COG5: variants seen among roughly 807,000 people sequenced by gnomAD.
COG5 encodes component of oligomeric golgi complex 5, also known as conserved oligomeric Golgi complex subunit 5.
In COG5, 86 loss-of-function variants were observed where a neutral mutation model predicts 110.4. The observed-to-expected ratio is 0.78, with a 90% CI of 0.65 to 0.93. The LOEUF is 0.93. Among genes scored for constraint, COG5 ranks in the 40% least tolerant of loss-of-function variants. The pLI is 0.00. For synonymous variants in COG5, 360 were observed against 334.6 expected (o/e 1.08, Z -0.83); for missense variants, 1,077 against 987.0 (o/e 1.09, Z -1.22).
In COG5 at chr7:107,539,312, C is replaced by T. The variant is rs143860731; in HGVS notation, c.417+8799G>A. Among the ~76,000 whole-genome samples, 835 of 152,234 alleles carry T rather than the reference C, an allele frequency of 5.5e-3. 6 individuals are homozygous for T. The highest frequency in any genetic ancestry group is 6.1e-3 in the Non-Finnish European group (418 of 68,018). ...AATGAAATGACATGTTATTCAAGGA[C>T]CTGCTGTATGTTCTTTTACTTAAAG... On this transcript the variant is annotated intron_variant, in intron 5 of 21. Coordinates refer to ENST00000297135, the MANE Select transcript of COG5 (RefSeq NM_006348.5).
intron 6 of COG5, among the ~76,000 whole-genome samples, chr7:107,417,354 T>C (rs1792926852): frequency 6.6e-6 from 1 of 152,188 alleles, no homozygotes; most frequent in Admixed American, 6.5e-5. Flanking sequence ...TACAATGTCT[T>C]CTTTATTAAC....
At chr7:107,251,977 G>A (rs1339759443) in intron 16 of COG5, among the ~76,000 whole-genome samples, 9 of 151,876 alleles carry the variant, frequency 5.9e-5, no homozygotes, top group African/African-American at 1.9e-4. Context: ...TAGATTGATC[G>A]AGAAAAAAAC....
chr7:107,288,479 T>TG (rs1366226690), intron 12 of COG5, among the ~76,000 whole-genome samples: 4 of 152,170 alleles, frequency 2.6e-5, no homozygotes, highest in African/African-American at 9.7e-5. Context: ...CACTTGCTAC[T>TG]ATTTGTCTTT....
rs371245504 is a variant in COG5 at position 107,375,827 on chromosome 7, A to G, written c.670-3067T>C. Among the ~76,000 whole-genome samples, 47 of 152,070 alleles carry G rather than the reference A, an allele frequency of 3.1e-4. 1 individual carries two copies. In the South Asian group the frequency reaches 9.1e-3, roughly 30 times the overall value. On this transcript the variant is annotated intron_variant, in intron 7 of 21. Transcript: ENST00000297135. ...GAAATTCCTAATTTGAATGTAGCCC[A>G]TTTTATTAATCTTACTCTCTACGGT...
intron 17 of COG5, among the ~76,000 whole-genome samples, chr7:107,240,244 CTCTG>C (rs1801509475): frequency 6.6e-6 from 1 of 152,196 alleles, no homozygotes; most frequent in Non-Finnish European, 1.5e-5. Flanking sequence ...CAGGATCTCA[CTCTG>C]TCACTCAGGC....
rs748799662 is a variant in COG5, at chr7:107,558,120, A to T, written c.95-5T>A. 1 of 1,613,342 alleles carries T rather than the reference A, an allele frequency of 6.2e-7. No individual in the cohort carries two copies. Among genetic ancestry groups the T allele is most frequent in the Non-Finnish European group, 8.5e-7 (1 of 1,179,738 alleles). On this transcript the variant is annotated splice_polypyrimidine_tract_variant and splice_region_variant and intron_variant, in intron 1 of 21. Coordinates refer to ENST00000297135, the MANE Select transcript of COG5 (RefSeq NM_006348.5). Reference sequence around the variant, plus strand: ...TTAAAAAGTCACTATAACACCCTGGATTGGGGAAAAAATAAGGAAAAGTCC... The same window carrying T: ...TTAAAAAGTCACTATAACACCCTGGTTTGGGGAAAAAATAAGGAAAAGTCC...
At chr7:107,408,591 G>C (rs529184819) in intron 7 of COG5, among the ~76,000 whole-genome samples, 1 of 152,314 alleles carries the variant, frequency 6.6e-6, no homozygotes, top group South Asian at 2.1e-4. Context: ...TTGACATTTA[G>C]ATGGCAGAGG....
chr7:107,539,429 T>C (rs1290793712), intron 5 of COG5, among the ~76,000 whole-genome samples: 1 of 152,160 alleles, frequency 6.6e-6, no homozygotes. Context: ...AAACATTACA[T>C]TAAGAAGGCA....
intron 6 of COG5, among the ~76,000 whole-genome samples, chr7:107,502,228 T>TA (rs776040805): frequency 2.6e-5 from 4 of 152,140 alleles, no homozygotes; most frequent in Non-Finnish European, 5.9e-5. Flanking sequence ...TGCGTATTCT[T>TA]AGATTAGCTC....
chr7:107,363,890 G>C (rs1321063925), intron 8 of COG5, among the ~76,000 whole-genome samples: 2 of 151,596 alleles, frequency 1.3e-5, no homozygotes, highest in Non-Finnish European at 2.9e-5. Context: ...AGGAGGCGGA[G>C]GTTACAATGA....
chr7:107,518,131 C>A (rs781627480), intron 6 of COG5, among the ~76,000 whole-genome samples: 1 of 152,148 alleles, frequency 6.6e-6, no homozygotes, highest in African/African-American at 2.4e-5. Context: ...CACCACCAGG[C>A]CTGCTTTGCA....
intron 14 of COG5, among the ~76,000 whole-genome samples, chr7:107,261,190 C>A (rs1584587784): frequency 6.6e-6 from 1 of 151,890 alleles, no homozygotes; most frequent in Admixed American, 6.6e-5. Context: ...ATAAGTGGAC[C>A]TATGCAACTG....
intron 8 of COG5, among the ~76,000 whole-genome samples, chr7:107,369,384 C>CTT (rs567770114): frequency 8.5e-4 from 88 of 103,132 alleles, no homozygotes; most frequent in African/African-American, 1.9e-3. Flanking sequence ...AACAAAAATT[C>CTT]TTTTTTTTTT....
At chr7:107,404,838 T>C (rs760009503) in intron 7 of COG5, among the ~76,000 whole-genome samples, 41 of 133,420 alleles carry the variant, frequency 3.1e-4, no homozygotes, top group Non-Finnish European at 5.3e-4. Flanking sequence ...CAAGAGAAGA[T>C]GGTTGATGGA....
chr7:107,372,004 T>C (rs1030134559), intron 8 of COG5, among the ~76,000 whole-genome samples: 3 of 152,198 alleles, frequency 2.0e-5, no homozygotes, highest in Admixed American at 6.5e-5. Context: ...ACTGTGTGTA[T>C]ATGTAAATAT....
chr7:107,255,748 T>C (rs972967685), intron 16 of COG5, among the ~76,000 whole-genome samples: 1 of 152,120 alleles, frequency 6.6e-6, no homozygotes, highest in Non-Finnish European at 1.5e-5. Flanking sequence ...ATTTACTTGT[T>C]TGAGGTCATA....
chr7:107,223,849 C>A (rs1293074129), intron 19 of COG5, among the ~76,000 whole-genome samples: 1 of 152,114 alleles, frequency 6.6e-6, no homozygotes, highest in Non-Finnish European at 1.5e-5. Context: ...GGGGATCATA[C>A]CTAACTTTTA....
At chr7:107,563,695 A>G in intron 1 of COG5, 108 bp downstream of exon 1, 1 of 1,319,678 alleles carries the variant, frequency 7.6e-7, no homozygotes, top group South Asian at 1.2e-5. Flanking sequence ...GGTCACGTCC[A>G]GACTGGAAAA....
rs1169184533 is a variant in COG5, at chr7:107,563,760, C to T, written c.94+43G>A. The stretch of plus-strand genomic sequence containing the variant: ...CTCGCTGTCCAGGTGCGGAGCAGCG[C>T]AGACCCCCAACCCCACGACCTGGTC... On this transcript the variant is annotated intron_variant, in intron 1 of 21. Transcript: ENST00000297135. 5 of 1,607,204 alleles carry T rather than the reference C, an allele frequency of 3.1e-6. No homozygotes were observed. In the Admixed American group the frequency reaches 5.0e-5, roughly 16 times the overall value.
Sources: allele counts gnomAD v4.1 joint callset (sites outside exome capture counted in the v4.1 genomes callset), GRCh38; gene constraint gnomAD v4.1.1; transcripts MANE v1.5; gene names NCBI Gene and HGNC (gene_info 2026-07-23, HGNC 2026-07-21).